AHCYL2: variants seen among roughly 807,000 people sequenced by gnomAD.
AHCYL2 encodes adenosylhomocysteinase like 2.
A neutral mutation model predicts 81.4 loss-of-function variants in AHCYL2; 28 were observed. The ratio of observed to expected loss-of-function variants is 0.34; its 90% CI spans 0.25 to 0.47. The LOEUF is 0.47. Among genes scored for constraint, AHCYL2 ranks in the 20% least tolerant of loss-of-function variants. The probability of loss-of-function intolerance (pLI) is 1.00; values close to 1 mark genes in which losing one functional copy is unlikely to be tolerated. For synonymous variants in AHCYL2, 272 were observed against 290.2 expected, an observed-to-expected ratio of 0.94 and a Z score of 0.64; for missense variants, 551 against 785.1, an observed-to-expected ratio of 0.70 and a Z score of 3.56.
chr7:129,407,798 C>T (rs1435159149), intron 10 of AHCYL2, among the ~76,000 whole-genome samples: 1 of 152,166 alleles, frequency 6.6e-6, no homozygotes, highest in Non-Finnish European at 1.5e-5. Flanking sequence ...TAAGTGCTGT[C>T]ATGGAGTTAA....
chr7:129,319,012 T>C (rs1374119805), intron 1 of AHCYL2, among the ~76,000 whole-genome samples: 1 of 152,000 alleles, frequency 6.6e-6, no homozygotes, highest in South Asian at 2.1e-4. Flanking sequence ...GGGGAAAATA[T>C]TTGCAACTCA....
chr7:129,299,390 T>G (rs1797176480), intron 1 of AHCYL2, among the ~76,000 whole-genome samples: 1 of 84,420 alleles, frequency 1.2e-5, no homozygotes, highest in Non-Finnish European at 2.2e-5. Context: ...TTTTTTTTTT[T>G]TTTTTTTTTT....
intron 1 of AHCYL2, among the ~76,000 whole-genome samples, chr7:129,329,961 G>A (rs904365551): frequency 4.6e-5 from 7 of 152,174 alleles, no homozygotes; most frequent in African/African-American, 1.7e-4. Flanking sequence ...TTACTTGGAT[G>A]TTTGGAACCT....
chr7:129,425,869 G>A (rs1174653135), intron 15 of AHCYL2, among the ~76,000 whole-genome samples: 1 of 152,224 alleles, frequency 6.6e-6, no homozygotes, highest in African/African-American at 2.4e-5. Context: ...CTGACAGAAT[G>A]TATAATGAAG....
At chr7:129,337,369 G>A (rs906965605) in intron 1 of AHCYL2, among the ~76,000 whole-genome samples, 1 of 151,802 alleles carries the variant, frequency 6.6e-6, no homozygotes, top group Non-Finnish European at 1.5e-5. Context: ...GGATTCCATT[G>A]TATAGATAGG....
intron 1 of AHCYL2, among the ~76,000 whole-genome samples, chr7:129,280,691 CTGT>C (rs940759369): frequency 1.5e-4 from 22 of 151,630 alleles, no homozygotes; most frequent in African/African-American, 5.3e-4. Context: ...ATGATATTAG[CTGT>C]TGTTTTTTTT....
At chr7:129,349,468 CAAAAAAAAAAA>C (rs56205996) in intron 1 of AHCYL2, among the ~76,000 whole-genome samples, 1 of 98,488 alleles carries the variant, frequency 1.0e-5, no homozygotes, top group Non-Finnish European at 1.9e-5. Flanking sequence ...CCATCTCTAC[CAAAAAAAAAAA>C]AAAAAAAAAC....
chr7:129,289,062 A>G (rs1327524025), intron 1 of AHCYL2, among the ~76,000 whole-genome samples: 2 of 151,830 alleles, frequency 1.3e-5, no homozygotes, highest in African/African-American at 4.8e-5. Context: ...GATTACAGGT[A>G]TAAGCCACCA....
intron 1 of AHCYL2, among the ~76,000 whole-genome samples, chr7:129,311,876 C>T (rs1797669483): frequency 6.6e-6 from 1 of 152,308 alleles, no homozygotes; most frequent in Admixed American, 6.5e-5. Flanking sequence ...CTTGCAGTGG[C>T]TTCTCATGTC....
At chr7:129,271,080 G>T (rs2694573) in intron 1 of AHCYL2, among the ~76,000 whole-genome samples, 152,115 of 152,116 alleles carry the variant, frequency 1, 76,057 homozygotes, top group Non-Finnish European at 1. Flanking sequence ...AAAAAAGTTT[G>T]GGCCGGGCGT....
chr7:129,362,114 T>C (rs1489121349), intron 1 of AHCYL2, among the ~76,000 whole-genome samples: 1 of 152,154 alleles, frequency 6.6e-6, no homozygotes, highest in Admixed American at 6.6e-5. Context: ...TTATATGTAT[T>C]AGTTATTTAA....
chr7:129,283,894 G>T (rs1796536518), intron 1 of AHCYL2, among the ~76,000 whole-genome samples: 1 of 151,992 alleles, frequency 6.6e-6, no homozygotes, highest in Admixed American at 6.6e-5. Flanking sequence ...CCCAGGAATA[G>T]AATAAAGAAA....
chr7:129,318,702 A>T, intron 1 of AHCYL2, among the ~76,000 whole-genome samples: 1 of 152,226 alleles, frequency 6.6e-6, no homozygotes, highest in South Asian at 2.1e-4. Flanking sequence ...AAAGTACTAA[A>T]AGAAACCATG....
At chr7:129,393,015 A>T (rs1327035499) in intron 4 of AHCYL2, among the ~76,000 whole-genome samples, 1 of 152,240 alleles carries the variant, frequency 6.6e-6, no homozygotes, top group Non-Finnish European at 1.5e-5. Flanking sequence ...CAGGTGACAC[A>T]TGATTTCAGT....
At chr7:129,273,321 C>CTTTTTTTTTTT (rs35236990) in intron 1 of AHCYL2, among the ~76,000 whole-genome samples, 1 of 75,888 alleles carries the variant, frequency 1.3e-5, no homozygotes, top group African/African-American at 5.4e-5. Flanking sequence ...TTTGCTAAGA[C>CTTTTTTTTTTT]TTTTTTTTTT....
chr7:129,369,560 T>G (rs192799734), intron 1 of AHCYL2, among the ~76,000 whole-genome samples: 2 of 150,682 alleles, frequency 1.3e-5, no homozygotes, highest in African/African-American at 4.9e-5. Context: ...GTTTTTTTTT[T>G]TTTTTTTTTT....
At chr7:129,293,100 C>T (rs920491682) in intron 1 of AHCYL2, among the ~76,000 whole-genome samples, 1 of 152,012 alleles carries the variant, frequency 6.6e-6, no homozygotes, top group Non-Finnish European at 1.5e-5. Context: ...TAGGCGCTTG[C>T]CACTGTGCCT....
chr7:129,362,539 T>C (rs1793964919), intron 1 of AHCYL2, among the ~76,000 whole-genome samples: 1 of 151,798 alleles, frequency 6.6e-6, no homozygotes, highest in Non-Finnish European at 1.5e-5. Flanking sequence ...GGTTAGGAAC[T>C]TTAGCCTCCA....
At chr7:129,267,640 G>T (rs1295474346) in intron 1 of AHCYL2, among the ~76,000 whole-genome samples, 1 of 152,164 alleles carries the variant, frequency 6.6e-6, no homozygotes, top group Non-Finnish European at 1.5e-5. Flanking sequence ...AGCATCAATA[G>T]TATATTGAAG....
Sources: allele counts gnomAD v4.1 joint callset (sites outside exome capture counted in the v4.1 genomes callset), GRCh38; gene constraint gnomAD v4.1.1; transcripts MANE v1.5; gene names NCBI Gene and HGNC (gene_info 2026-07-23, HGNC 2026-07-21).